TENM2: variants seen among roughly 807,000 people sequenced by gnomAD.
TENM2 encodes teneurin-2.
In TENM2, 52 loss-of-function variants were observed where a neutral mutation model predicts 245.2. The ratio of observed to expected loss-of-function variants is 0.21; its 90% CI spans 0.17 to 0.27. The LOEUF (loss-of-function observed/expected upper bound fraction) is 0.27, where lower values mean the gene tolerates loss of function less well. TENM2 is among the 10% of genes least tolerant of loss of function. TENM2 has a pLI of 1.00. For missense variants in TENM2, 3,046 were observed against 3,666.8 expected, an observed-to-expected ratio of 0.83 and a Z score of 4.37; for synonymous variants, 1,363 against 1,438.9, an observed-to-expected ratio of 0.95 and a Z score of 1.19.
chr5:167,898,486 G>A (rs993538128), intron 3 of TENM2, among the ~76,000 whole-genome samples: 1 of 152,170 alleles, frequency 6.6e-6, no homozygotes, highest in Non-Finnish European at 1.5e-5. Flanking sequence ...TAAATGCCGG[G>A]ATGCCAACCC....
At chr5:167,547,098 A>T (rs6859661) in intron 2 of TENM2, among the ~76,000 whole-genome samples, 111,621 of 152,022 alleles carry the variant, frequency 0.73, 41,063 homozygotes, top group Middle Eastern at 0.78. Flanking sequence ...TATTATTATT[A>T]TTTTGAGACA....
At chr5:167,023,177 T>C in the TENM2 span, among the ~76,000 whole-genome samples, 1 of 152,162 alleles carries the variant, frequency 6.6e-6, no homozygotes, top group African/African-American at 2.4e-5. Flanking sequence ...CTCTACTGGG[T>C]CCAATCCAAG....
At chr5:167,219,570 C>T in the TENM2 span, among the ~76,000 whole-genome samples, 3 of 152,196 alleles carry the variant, frequency 2.0e-5, no homozygotes, top group South Asian at 6.2e-4. Flanking sequence ...AGGGAAGCTC[C>T]ACTGTTTAGC....
intron 2 of TENM2, among the ~76,000 whole-genome samples, chr5:167,525,730 C>G (rs1040642698): frequency 7.9e-5 from 12 of 152,032 alleles, no homozygotes; most frequent in African/African-American, 2.9e-4. Context: ...ATTCTCAGAT[C>G]AGGAGCTCTA....
chr5:168,064,433 T>C (rs1269489771), intron 7 of TENM2, among the ~76,000 whole-genome samples: 2 of 152,042 alleles, frequency 1.3e-5, no homozygotes, highest in African/African-American at 4.8e-5. Context: ...TCTTGCATGC[T>C]CCAGGAAACC....
At chr5:167,971,140 A>G (rs1444877065) in intron 4 of TENM2, among the ~76,000 whole-genome samples, 1 of 152,106 alleles carries the variant, frequency 6.6e-6, no homozygotes, top group Non-Finnish European at 1.5e-5. Flanking sequence ...GCTTACCCCA[A>G]ATAGCTAATT....
chr5:167,900,079 A>G (rs1030970171), intron 3 of TENM2, among the ~76,000 whole-genome samples: 2 of 135,772 alleles, frequency 1.5e-5, no homozygotes, highest in African/African-American at 5.5e-5. Context: ...GCCGTTTCTT[A>G]CAGTATCTTT....
the TENM2 span, among the ~76,000 whole-genome samples, chr5:167,124,893 C>A: frequency 6.6e-6 from 1 of 152,094 alleles, no homozygotes; most frequent in African/African-American, 2.4e-5. Flanking sequence ...GCAGCAGCAA[C>A]GTTCTACAGA....
At chr5:167,250,901 A>G in the TENM2 span, among the ~76,000 whole-genome samples, 1 of 152,084 alleles carries the variant, frequency 6.6e-6, no homozygotes, top group Non-Finnish European at 1.5e-5. Flanking sequence ...TCCCATTTCT[A>G]TTTTGTTTGC....
chr5:167,813,655 G>C (rs943214759), intron 2 of TENM2, among the ~76,000 whole-genome samples: 2 of 152,106 alleles, frequency 1.3e-5, no homozygotes, highest in African/African-American at 4.8e-5. Context: ...CCAGTCAGCA[G>C]CCTGAGCAAT....
At chr5:168,031,533 ACCCC>A (rs967864996) in intron 5 of TENM2, among the ~76,000 whole-genome samples, 1 of 151,992 alleles carries the variant, frequency 6.6e-6, no homozygotes, top group African/African-American at 2.4e-5. Flanking sequence ...GAATGTGGCA[ACCCC>A]CCTGGGAGGT....
At chr5:167,574,356 A>AT (rs1364278122) in intron 2 of TENM2, among the ~76,000 whole-genome samples, 1 of 152,182 alleles carries the variant, frequency 6.6e-6, no homozygotes, top group Non-Finnish European at 1.5e-5. Context: ...AATCCAATTG[A>AT]TACTGCTTTT....
intron 4 of TENM2, among the ~76,000 whole-genome samples, chr5:167,973,708 A>G (rs1053967069): frequency 6.6e-6 from 1 of 152,072 alleles, no homozygotes; most frequent in Non-Finnish European, 1.5e-5. Context: ...AGGTGAGAGA[A>G]TAGGAAAAGG....
At chr5:167,074,946 C>G in the TENM2 span, among the ~76,000 whole-genome samples, 1 of 152,136 alleles carries the variant, frequency 6.6e-6, no homozygotes, top group Non-Finnish European at 1.5e-5. Flanking sequence ...GTGAATAGTT[C>G]ACAGACCAGG....
intron 1 of TENM2, among the ~76,000 whole-genome samples, chr5:167,310,371 A>G (rs886513252): frequency 3.5e-4 from 53 of 152,238 alleles, no homozygotes; most frequent in Admixed American, 2.2e-3. Context: ...CTTTATTCAG[A>G]GCCAAAAGGA....
chr5:168,022,975 A>ACCCCACT (rs1177888446), intron 5 of TENM2, among the ~76,000 whole-genome samples: 1 of 151,382 alleles, frequency 6.6e-6, no homozygotes, highest in African/African-American at 2.4e-5. Flanking sequence ...AACACCCCAC[A>ACCCCACT]CCCCACTCCC....
intron 2 of TENM2, among the ~76,000 whole-genome samples, chr5:167,749,043 A>G (rs1761776955): frequency 6.6e-6 from 1 of 152,154 alleles, no homozygotes; most frequent in Admixed American, 6.6e-5. Flanking sequence ...CACCATGTCC[A>G]GCCTATTTTT....
intron 2 of TENM2, among the ~76,000 whole-genome samples, chr5:167,712,686 A>G (rs1373810361): frequency 6.6e-6 from 1 of 152,212 alleles, no homozygotes; most frequent in African/African-American, 2.4e-5. Flanking sequence ...AGGTTGAAAT[A>G]TCAAAAGGAA....
At chr5:168,204,696 G>A in intron 19 of TENM2, 75 bp downstream of exon 21, 2 of 1,550,660 alleles carry the variant, frequency 1.3e-6, no homozygotes, top group Admixed American at 1.8e-5. Flanking sequence ...GGTAACTGGG[G>A]CTGCATTTGG....
Sources: gnomAD v4.1 joint callset for allele counts (sites outside exome capture counted in the v4.1 genomes callset) on GRCh38, gnomAD v4.1.1 for gene constraint, MANE v1.5 for transcripts, NCBI Gene and HGNC (gene_info 2026-07-23, HGNC 2026-07-21) for gene names.